The following MTMR14 variants were observed in gnomAD, a reference collection of about 807,000 sequenced individuals.
The protein encoded by MTMR14 is myotubularin related protein 14.
Under a neutral mutation model 86.3 loss-of-function variants are expected in MTMR14, and 48 were observed. That is an observed-to-expected ratio of 0.56 (90% CI 0.44 to 0.71). MTMR14 has a LOEUF of 0.71. MTMR14 is among the 30% of genes least tolerant of loss of function. The pLI is 0.00. For missense variants in MTMR14, 780 were observed against 834.6 expected (o/e 0.93, Z 0.81); for synonymous variants, 366 against 326.1 (o/e 1.12, Z -1.32).
At chr3:9,661,875 T>C (rs1298965427) in intron 2 of MTMR14, among the ~76,000 whole-genome samples, 1 of 151,680 alleles carries the variant, frequency 6.6e-6, no homozygotes. Flanking sequence ...TCGCCTGAGG[T>C]CAGGAGTTTG....
intron 2 of MTMR14, among the ~76,000 whole-genome samples, chr3:9,655,940 C>T (rs887292267): frequency 6.6e-6 from 1 of 151,874 alleles, no homozygotes; most frequent in African/African-American, 2.4e-5. Context: ...CGTGCTGGCT[C>T]ACACCTGTAA....
intron 4 of MTMR14, 51 bp from the exon 5 acceptor site, chr3:9,669,381 T>A: frequency 6.3e-7 from 1 of 1,596,272 alleles, no homozygotes; most frequent in Non-Finnish European, 8.6e-7. Context: ...GGCCCCTGTG[T>A]GGAGCCCTGG....
intron 10 of MTMR14, among the ~76,000 whole-genome samples, chr3:9,684,240 C>G (rs149148714): frequency 6.6e-6 from 1 of 152,282 alleles, no homozygotes; most frequent in East Asian, 1.9e-4. Context: ...ATTGCCCACT[C>G]CCGCTACCCC....
chr3:9,696,737 C>G (rs2076292051), intron 17 of MTMR14, among the ~76,000 whole-genome samples: 1 of 152,204 alleles, frequency 6.6e-6, no homozygotes, highest in African/African-American at 2.4e-5. Context: ...GGGCAGTGAA[C>G]ATTTTTCTCC....
Position 9,689,034 on chromosome 3 carries a change from A to G in MTMR14, c.1385A>G (p.Tyr462Cys), listed in dbSNP as rs121434510. ...CCAGGAGCCACTGGGAGCTTCACCT[A>G]TGAGGCCGTGGAGCTGGTCCCAGCA... is the stretch of plus-strand genomic sequence containing the variant. ...SSPGATGSFTYEAVELVPAGA... is the reference protein window; with the variant it reads ...SSPGATGSFTCEAVELVPAGA... Residue 462 changes from tyrosine (Y) to cysteine (C), a missense_variant, in exon 16 of 19, where the codon TAT becomes TGT. Coordinates refer to ENST00000296003, the MANE Select transcript of MTMR14 (RefSeq NM_001077525.3). 8.7e-6 allele frequency: 14 copies of G among 1,613,690 alleles called. No individual in the cohort carries two copies. Among genetic ancestry groups the G allele is most frequent in the East Asian group, 4.5e-5 (2 of 44,894 alleles).
At position 9,649,528 on chromosome 3, in the gene MTMR14, G is replaced by C. The variant is rs2047154279; in HGVS notation, c.-56G>C. ...GGAGGTTCTAGTGTCGGAGTTGGGT[G>C]CAGGCAGGTGCCATGGGCCCGCTTG... On this transcript the variant is annotated 5_prime_UTR_variant, in exon 1 of 19. Coordinates refer to ENST00000296003, the MANE Select transcript of MTMR14 (RefSeq NM_001077525.3). 2.0e-6 allele frequency: 3 copies of C among 1,503,212 alleles called. No individual in the cohort carries two copies. The highest frequency in any genetic ancestry group is 1.4e-5 in the African/African-American group (1 of 71,628). 93.1% of individuals were successfully genotyped at this position (1,503,212 alleles called of 1,614,324 possible).
intron 9 of MTMR14, 144 bp from the exon 10 acceptor site, chr3:9,683,034 T>G: frequency 1.6e-6 from 1 of 612,430 alleles, no homozygotes; most frequent in Non-Finnish European, 2.9e-6. Context: ...ATGTCCCAGA[T>G]TATCTGGGAT....
intron 2 of MTMR14, among the ~76,000 whole-genome samples, chr3:9,657,701 C>G (rs1409030592): frequency 6.6e-6 from 1 of 152,114 alleles, no homozygotes; most frequent in Non-Finnish European, 1.5e-5. Flanking sequence ...CAGGCGCGTG[C>G]CACCATGCCC....
In MTMR14 at chr3:9,687,866, G is replaced by A; in HGVS notation, c.1210G>A (p.Glu404Lys). Residue 404 changes from glutamate (E) to lysine (K), a missense_variant, in exon 14 of 19, where the codon GAG becomes AAG. Glu to Lys is a moderately conservative substitution (Grantham distance 56, BLOSUM62 1). Coordinates refer to ENST00000296003, the MANE Select transcript of MTMR14 (RefSeq NM_001077525.3). ...TTTTTTGAAGCATATTACCTCCGAG[G>A]AGTTCTCTGCTCTGAAGACCCAGAG... The part of the protein sequence containing the change: ...FNFLKHITSE[E>K]FSALKTQRRK... The A allele has an allele frequency of 6.3e-7, 1 of 1,589,296 alleles. No individual in the cohort carries two copies. Among genetic ancestry groups the A allele is most frequent in the Admixed American group, 1.8e-5 (1 of 57,140 alleles).
intron 7 of MTMR14, 81 bp downstream of exon 7, chr3:9,672,839 C>A: frequency 7.6e-7 from 1 of 1,318,246 alleles, no homozygotes; most frequent in Non-Finnish European, 1.1e-6. Context: ...TACTTAGTTA[C>A]ACTGGCGCCC....
intron 1 of MTMR14, among the ~76,000 whole-genome samples, chr3:9,651,435 G>T (rs2047284241): frequency 6.6e-6 from 1 of 152,000 alleles, no homozygotes; most frequent in Non-Finnish European, 1.5e-5. Context: ...GTAGGTCATT[G>T]GTTTTTCTGG....
chr3:9,667,577 TCAGTAGGCTTCCA>T (rs1174648486), intron 3 of MTMR14, among the ~76,000 whole-genome samples: 2 of 152,128 alleles, frequency 1.3e-5, no homozygotes, highest in African/African-American at 4.8e-5. Context: ...GTAGGCTTCC[TCAGTAGGCTTCCA>T]GGACAGCCTC....
In MTMR14 at chr3:9,689,214, C is replaced by T. The variant is rs2076062280; in HGVS notation, c.1433+132C>T. ...GAGCTGAGAGGATAGCTCCGTGCTC[C>T]TGCTGTCTCTACTGGGCCTCAGAAG... is the stretch of plus-strand genomic sequence containing the variant. On this transcript the variant is annotated intron_variant, in intron 16 of 18. Transcript: ENST00000296003. The T allele has an allele frequency of 2.2e-6, 3 of 1,367,476 alleles. No individual in the cohort carries two copies. In the Admixed American group the frequency reaches 5.9e-5, roughly 27 times the overall value. 84.7% of individuals were successfully genotyped at this position (1,367,476 alleles called of 1,614,324 possible).
intron 3 of MTMR14, 25 bp from the exon 4 acceptor site, chr3:9,668,694 C>T (rs548397623): frequency 3.2e-5 from 52 of 1,612,908 alleles, no homozygotes; most frequent in African/African-American, 3.1e-4. Context: ...ACCATCTGAC[C>T]GTGAAAATGA....
rs757994973 is a variant in MTMR14, at chr3:9,684,669, C to CT, written c.1050dup (p.Asp351Ter). The stretch of plus-strand genomic sequence containing the variant: ...TCCCTCCTGCGCCTTTCCTTGTGGG[C>CT]TGTGAGTATGAATCGGCCCCTACCA... On this transcript the variant is annotated frameshift_variant and splice_region_variant, in exon 11 of 19. Transcript: ENST00000296003. LOFTEE classifies it high-confidence loss of function. 6.2e-7 allele frequency: 1 copy of CT among 1,614,112 alleles called. No individual in the cohort carries two copies. The highest frequency in any genetic ancestry group is 1.1e-5 in the South Asian group (1 of 91,082).
At chr3:9,652,283 G>C (rs1357003597) in intron 1 of MTMR14, among the ~76,000 whole-genome samples, 2 of 152,140 alleles carry the variant, frequency 1.3e-5, no homozygotes, top group Non-Finnish European at 2.9e-5. Flanking sequence ...CAAACTTCTT[G>C]ATGTTACAGT....
At chr3:9,661,190 T>C (rs1380826485) in intron 2 of MTMR14, among the ~76,000 whole-genome samples, 1 of 152,200 alleles carries the variant, frequency 6.6e-6, no homozygotes, top group Non-Finnish European at 1.5e-5. Flanking sequence ...CCAAGAAACG[T>C]CATCTCATTC....
At chr3:9,669,375 C>G in intron 4 of MTMR14, 57 bp from the exon 5 acceptor site, 6 of 1,587,728 alleles carry the variant, frequency 3.8e-6, no homozygotes, top group Non-Finnish European at 5.2e-6. Context: ...TGAGGAGGCC[C>G]CTGTGTGGAG....
In MTMR14 at chr3:9,685,227, C is replaced by G. The variant is rs757251437; in HGVS notation, c.1144C>G (p.Arg382Gly). The G allele has an allele frequency of 6.2e-6, 10 of 1,613,960 alleles. No individual in the cohort carries two copies. The highest frequency in any genetic ancestry group is 1.1e-5 in the South Asian group (1 of 91,082). ...TTTTTTCAGGCACATGTTGGTAGAT[C>G]GGCTCAGCAAAGGGGAGGAGGTGAG... Reference protein sequence around the residue: ...WFLFGHMLVDRLSKGEEIFFF... With the variant: ...WFLFGHMLVDGLSKGEEIFFF... The change falls in exon 13 of 19, where the codon CGG becomes GGG. Residue 382 changes from arginine (R) to glycine (G), a missense_variant. Arg to Gly is a moderately radical substitution (Grantham distance 125, BLOSUM62 -2). Transcript: ENST00000296003.
Sources: gnomAD v4.1 joint callset for allele counts (sites outside exome capture counted in the v4.1 genomes callset) on GRCh38, gnomAD v4.1.1 for gene constraint, MANE v1.5 for transcripts, NCBI Gene and HGNC (gene_info 2026-07-23, HGNC 2026-07-21) for gene names.